Variants in FBXL7 observed in about 807,000 individuals in gnomAD.
The protein encoded by FBXL7 is F-box and leucine rich repeat protein 7, also known as F-box/LRR-repeat protein 7.
A neutral mutation model predicts 38.3 loss-of-function variants in FBXL7; 12 were observed. The ratio of observed to expected loss-of-function variants is 0.31; its 90% CI spans 0.20 to 0.51. FBXL7 has a LOEUF of 0.51. FBXL7 is among the 20% of genes least tolerant of loss of function. The probability of loss-of-function intolerance (pLI) is 0.98; values close to 1 mark genes in which losing one functional copy is unlikely to be tolerated. For missense variants in FBXL7, 567 were observed against 676.4 expected, an observed-to-expected ratio of 0.84 and a Z score of 1.79; for synonymous variants, 297 against 300.9, an observed-to-expected ratio of 0.99 and a Z score of 0.13.
At chr5:15,648,817 A>G (rs1238958934) in intron 2 of FBXL7, among the ~76,000 whole-genome samples, 3 of 152,052 alleles carry the variant, frequency 2.0e-5, no homozygotes, top group African/African-American at 7.2e-5. Context: ...TGGAGAAGTG[A>G]CCACTTGAAC....
rs559052704 is a variant in FBXL7, at chr5:15,937,455, C to G, written c.*269C>G. ...AAGATGTACTTAAGCAGGCTGATCG[C>G]TGTTCCTTGAGCAAGGCGCTTACTC... On this transcript the variant is annotated 3_prime_UTR_variant, in exon 4 of 4. Coordinates refer to ENST00000504595, the MANE Select transcript of FBXL7 (RefSeq NM_012304.5). 4 of 427,384 alleles carry G rather than the reference C, an allele frequency of 9.4e-6. No homozygotes were observed. Among genetic ancestry groups the G allele is most frequent in the African/African-American group, 6.0e-5 (3 of 50,198 alleles). 26.5% of individuals were successfully genotyped at this position (427,384 alleles called of 1,614,324 possible). A position where few individuals can be genotyped will look rare whatever the true frequency, so the allele number is the denominator to read the frequency against.
At chr5:15,905,996 A>G (rs1342996483) in intron 2 of FBXL7, among the ~76,000 whole-genome samples, 2 of 152,110 alleles carry the variant, frequency 1.3e-5, no homozygotes, top group African/African-American at 4.8e-5. Flanking sequence ...TAAAATATCA[A>G]CGTAAATGAT....
At chr5:15,935,427 C>T (rs1742155738) in intron 3 of FBXL7, among the ~76,000 whole-genome samples, 1 of 111,392 alleles carries the variant, frequency 9.0e-6, no homozygotes, top group African/African-American at 4.0e-5. Flanking sequence ...TTCCGTTTTC[C>T]AAGACACCTC....
chr5:15,642,259 G>T (rs1326533218), intron 2 of FBXL7, among the ~76,000 whole-genome samples: 1 of 152,100 alleles, frequency 6.6e-6, no homozygotes, highest in African/African-American at 2.4e-5. Context: ...AACTTCTTAT[G>T]TATTTTTCCA....
chr5:15,848,310 A>G (rs1738981814), intron 2 of FBXL7, among the ~76,000 whole-genome samples: 1 of 152,122 alleles, frequency 6.6e-6, no homozygotes, highest in Non-Finnish European at 1.5e-5. Flanking sequence ...TTCTTAAAAA[A>G]AAAACACAAT....
intron 2 of FBXL7, among the ~76,000 whole-genome samples, chr5:15,646,397 T>A (rs1277401326): frequency 6.6e-6 from 1 of 152,176 alleles, no homozygotes; most frequent in Non-Finnish European, 1.5e-5. Flanking sequence ...ACTTATGAAT[T>A]GAACCCAGAC....
rs1157685104 is a variant in FBXL7, at chr5:15,927,965, A to G, written c.203A>G (p.Gln68Arg). The G allele has an allele frequency of 7.6e-6, 12 of 1,579,244 alleles. No homozygotes were observed. Among genetic ancestry groups the G allele is most frequent in the Admixed American group, 1.7e-5 (1 of 57,356 alleles). Residue 68 changes from glutamine to arginine, a missense_variant, in exon 3 of 4, where the codon CAG becomes CGG. Physicochemically the swap from Gln to Arg is conservative, Grantham distance 43. Transcript: ENST00000504595. Reference protein sequence around the residue: ...LICPPNLPGFQNGRGSSTSSS... With the variant: ...LICPPNLPGFRNGRGSSTSSS... ...TGTCCACCGAATCTCCCAGGATTTCAGAATGGAAGGGGCTCGTCCACCTCC... is the reference window on the plus strand; with the variant it reads ...TGTCCACCGAATCTCCCAGGATTTCGGAATGGAAGGGGCTCGTCCACCTCC...
intron 1 of FBXL7, among the ~76,000 whole-genome samples, chr5:15,613,966 G>A (rs1740351192): frequency 6.6e-6 from 1 of 152,070 alleles, no homozygotes; most frequent in South Asian, 2.1e-4. Context: ...GGCAGAAGGG[G>A]GCAAGGAAGC....
intron 2 of FBXL7, among the ~76,000 whole-genome samples, chr5:15,809,930 A>G (rs1420138754): frequency 1.3e-5 from 2 of 152,242 alleles, no homozygotes; most frequent in African/African-American, 4.8e-5. Flanking sequence ...TAAATGGCAG[A>G]TGTCATTTAT....
At position 15,500,687 on chromosome 5, in the gene FBXL7, A is replaced by G. The variant is rs759701722; in HGVS notation, c.11A>G (p.Asn4Ser). 104 of 1,611,792 alleles carry G rather than the reference A, an allele frequency of 6.5e-5. No homozygotes were observed. The highest frequency in any genetic ancestry group is 8.7e-5 in the Non-Finnish European group (102 of 1,178,814). Residue 4 changes from asparagine to serine, a missense_variant, in exon 1 of 4, where the codon AAC (asparagine) becomes AGC (serine). Transcript: ENST00000504595. ...CATGACGGCTACAGGATGGGCGCGA[A>G]CAATGGCAAACAGTACGGCAGTGAG... MGA[N>S]NGKQYGSEGK...
At chr5:15,702,170 G>A (rs963068961) in intron 2 of FBXL7, among the ~76,000 whole-genome samples, 2 of 151,606 alleles carry the variant, frequency 1.3e-5, no homozygotes, top group African/African-American at 4.9e-5. Flanking sequence ...CCCAGGAGGC[G>A]GAGGTTGCCA....
intron 2 of FBXL7, among the ~76,000 whole-genome samples, chr5:15,661,922 C>T (rs988832295): frequency 1.3e-5 from 2 of 152,168 alleles, no homozygotes; most frequent in African/African-American, 4.8e-5. Context: ...TTTTCTTTTG[C>T]CAGTTTGTCA....
At chr5:15,520,969 C>CA (rs1170301890) in intron 1 of FBXL7, among the ~76,000 whole-genome samples, 2 of 152,182 alleles carry the variant, frequency 1.3e-5, no homozygotes, top group African/African-American at 4.8e-5. Context: ...TGGGGACTAA[C>CA]AAGAAGCCCA....
chr5:15,757,591 AGCTAG>A (rs1736331507), intron 2 of FBXL7, among the ~76,000 whole-genome samples: 1 of 151,666 alleles, frequency 6.6e-6, no homozygotes, highest in South Asian at 2.1e-4. Flanking sequence ...GTTGTGATAG[AGCTAG>A]AGGTGATGCA....
chr5:15,705,183 C>A (rs952031145), intron 2 of FBXL7, among the ~76,000 whole-genome samples: 6 of 152,308 alleles, frequency 3.9e-5, no homozygotes, highest in Middle Eastern at 3.4e-3. Flanking sequence ...TATGTATTGA[C>A]AGCCTCAGTG....
intron 2 of FBXL7, among the ~76,000 whole-genome samples, chr5:15,630,132 A>G (rs953044785): frequency 2.0e-5 from 3 of 152,194 alleles, no homozygotes; most frequent in African/African-American, 7.2e-5. Context: ...TATGAACTGT[A>G]TCTAGCTCTA....
intron 1 of FBXL7, among the ~76,000 whole-genome samples, chr5:15,561,467 T>A (rs1195321214): frequency 6.6e-6 from 1 of 152,200 alleles, no homozygotes; most frequent in African/African-American, 2.4e-5. Flanking sequence ...CATCCGCTGA[T>A]GGATATTTAG....
At chr5:15,649,672 C>G (rs1004348583) in intron 2 of FBXL7, among the ~76,000 whole-genome samples, 2 of 151,632 alleles carry the variant, frequency 1.3e-5, no homozygotes, top group African/African-American at 2.4e-5. Flanking sequence ...CATGACTGAT[C>G]TGCAAATCTT....
At chr5:15,738,617 CCTG>C (rs1735817917) in intron 2 of FBXL7, among the ~76,000 whole-genome samples, 1 of 152,146 alleles carries the variant, frequency 6.6e-6, no homozygotes, top group Admixed American at 6.5e-5. Context: ...TGTAATAAGA[CCTG>C]CTTACTTTCT....
Sources: allele counts gnomAD v4.1 joint callset (sites outside exome capture counted in the v4.1 genomes callset), GRCh38; gene constraint gnomAD v4.1.1; transcripts MANE v1.5; gene names NCBI Gene and HGNC (gene_info 2026-07-23, HGNC 2026-07-21).